Variants in LRP1B observed in about 807,000 individuals in gnomAD.
LRP1B encodes LDL receptor related protein 1B.
A neutral mutation model predicts 556.6 loss-of-function variants in LRP1B; 217 were observed. That is an observed-to-expected ratio of 0.39 (90% CI 0.35 to 0.44). The LOEUF is 0.44. Ranked by LOEUF, LRP1B falls within the 20% of genes least tolerant of loss-of-function variation. The pLI is 1.00. For missense variants in LRP1B, 5,053 were observed against 5,620.8 expected (o/e 0.90, Z 3.23); for synonymous variants, 2,047 against 1,865.8 (o/e 1.10, Z -2.50).
In LRP1B at chr2:140,295,033, C is replaced by T. The variant is rs551541586; in HGVS notation, c.12967+2775G>A. 7.2e-3 allele frequency among the ~76,000 whole-genome samples: 1,090 copies of T among 152,104 alleles called. 13 individuals carry two copies. Among genetic ancestry groups the T allele is most frequent in the African/African-American group, 0.025 (1,024 of 41,486 alleles). ...CTGGGACTACAGGTGCCCGCCACTG[C>T]GCCCGGCTAGTTTTTTGTATTTTTA... On this transcript the variant is annotated intron_variant, in intron 84 of 90. Transcript: ENST00000389484.
intron 2 of LRP1B, among the ~76,000 whole-genome samples, chr2:141,571,522 C>T (rs1293660606): frequency 2.0e-5 from 3 of 152,098 alleles, no homozygotes; most frequent in African/African-American, 7.2e-5. Context: ...AGTGCCTCTT[C>T]CCCTTCAAAT....
At chr2:140,869,073 T>C (rs144757473) in intron 25 of LRP1B, among the ~76,000 whole-genome samples, 1 of 152,228 alleles carries the variant, frequency 6.6e-6, no homozygotes, top group African/African-American at 2.4e-5. Flanking sequence ...GAATGATGCC[T>C]TTAACCTATT....
chr2:140,555,352 T>C (rs563453336), intron 43 of LRP1B, among the ~76,000 whole-genome samples: 122 of 152,076 alleles, frequency 8.0e-4, no homozygotes, highest in Non-Finnish European at 1.5e-3. Flanking sequence ...AAAGGCCAAT[T>C]TAATTTGACA....
At chr2:141,876,274 C>T (rs1698756063) in intron 1 of LRP1B, among the ~76,000 whole-genome samples, 2 of 151,908 alleles carry the variant, frequency 1.3e-5, no homozygotes, top group African/African-American at 4.8e-5. Flanking sequence ...ATACCATTTT[C>T]TTGACCTTAA....
chr2:140,932,125 T>A (rs1377485903), intron 20 of LRP1B, among the ~76,000 whole-genome samples: 1 of 152,148 alleles, frequency 6.6e-6, no homozygotes, highest in Non-Finnish European at 1.5e-5. Context: ...TTATGAGATA[T>A]CTCTGTGAGG....
chr2:140,717,891 T>C (rs936051130), intron 35 of LRP1B, among the ~76,000 whole-genome samples: 1 of 152,096 alleles, frequency 6.6e-6, no homozygotes, highest in Admixed American at 6.6e-5. Context: ...TTCTCAGCAA[T>C]GGTTAAGTCA....
At chr2:140,486,166 C>T (rs1192179197) in intron 58 of LRP1B, among the ~76,000 whole-genome samples, 5 of 151,892 alleles carry the variant, frequency 3.3e-5, no homozygotes, top group South Asian at 4.1e-4. Flanking sequence ...TGATCTATAT[C>T]GCTGGCATTC....
chr2:141,185,687 C>CAAAAAAAAAAACAAAAA (rs111914547), intron 7 of LRP1B, among the ~76,000 whole-genome samples: 14 of 132,134 alleles, frequency 1.1e-4, no homozygotes, highest in East Asian at 4.5e-4. Context: ...AACAAACAAA[C>CAAAAAAAAAAACAAAAA]AAAAAAAAAC....
chr2:141,057,642 G>A (rs1699216403), intron 9 of LRP1B, among the ~76,000 whole-genome samples: 1 of 151,836 alleles, frequency 6.6e-6, no homozygotes, highest in African/African-American at 2.4e-5. Flanking sequence ...CTCTCTGTCT[G>A]TGGCTATCCA....
chr2:140,305,993 G>A (rs1684047322), intron 83 of LRP1B, among the ~76,000 whole-genome samples: 2 of 149,942 alleles, frequency 1.3e-5, no homozygotes, highest in South Asian at 4.3e-4. Flanking sequence ...TTGCATCCCA[G>A]GGATGAAGCC....
chr2:141,080,475 ATATTT>A (rs1166856734), intron 7 of LRP1B, among the ~76,000 whole-genome samples: 9 of 152,222 alleles, frequency 5.9e-5, no homozygotes, highest in Admixed American at 2.0e-4. Flanking sequence ...AAAGTAAATA[ATATTT>A]TATTTCTGAT....
intron 83 of LRP1B, among the ~76,000 whole-genome samples, chr2:140,310,790 A>G (rs1364366518): frequency 6.6e-6 from 1 of 151,954 alleles, no homozygotes. Context: ...GAAACTATAA[A>G]AAATGCTAGA....
At chr2:141,650,313 T>G (rs886780146) in intron 2 of LRP1B, among the ~76,000 whole-genome samples, 4 of 152,186 alleles carry the variant, frequency 2.6e-5, no homozygotes, top group African/African-American at 9.6e-5. Flanking sequence ...CCTACTTCTT[T>G]GTGAGTATGG....
At chr2:140,323,775 A>G in intron 81 of LRP1B, 118 bp downstream of exon 81, 1 of 467,414 alleles carries the variant, frequency 2.1e-6, no homozygotes, top group Non-Finnish European at 3.7e-6. Context: ...AATTAAAGTT[A>G]CTTAAGTTAC....
At chr2:140,548,198 A>AT (rs1184426960) in intron 43 of LRP1B, among the ~76,000 whole-genome samples, 3 of 152,100 alleles carry the variant, frequency 2.0e-5, no homozygotes, top group Non-Finnish European at 4.4e-5. Flanking sequence ...GCTTGGAGAG[A>AT]TTTTGCAACT....
At chr2:140,499,925 A>G (rs936709798) in intron 55 of LRP1B, among the ~76,000 whole-genome samples, 1 of 151,924 alleles carries the variant, frequency 6.6e-6, no homozygotes, top group Non-Finnish European at 1.5e-5. Flanking sequence ...GTTACCTGCA[A>G]TCATTCTAAA....
At chr2:140,927,054 C>G (rs968311266) in intron 20 of LRP1B, among the ~76,000 whole-genome samples, 1 of 152,172 alleles carries the variant, frequency 6.6e-6, no homozygotes, top group Non-Finnish European at 1.5e-5. Context: ...ACCTGTACTT[C>G]CAGCACTTTG....
chr2:141,920,293 A>AG (rs1700151918), intron 1 of LRP1B, among the ~76,000 whole-genome samples: 1 of 109,264 alleles, frequency 9.2e-6, no homozygotes, highest in Non-Finnish European at 1.9e-5. Context: ...GGGGGGTGGT[A>AG]GGGATAATCA....
chr2:140,707,535 T>C (rs185118434), intron 37 of LRP1B, among the ~76,000 whole-genome samples: 1 of 152,126 alleles, frequency 6.6e-6, no homozygotes, highest in East Asian at 1.9e-4. Context: ...CTAGAATCAC[T>C]CAAAATTCAT....
Sources: gnomAD v4.1 joint callset for allele counts (sites outside exome capture counted in the v4.1 genomes callset) on GRCh38, gnomAD v4.1.1 for gene constraint, MANE v1.5 for transcripts, NCBI Gene and HGNC (gene_info 2026-07-23, HGNC 2026-07-21) for gene names.